The following TNRC18 variants were observed in gnomAD, a reference collection of about 807,000 sequenced individuals.
TNRC18 encodes trinucleotide repeat containing 18, also known as trinucleotide repeat-containing gene 18 protein.
A neutral mutation model predicts 226.7 loss-of-function variants in TNRC18; 69 were observed. The observed-to-expected ratio is 0.30, with a 90% CI of 0.25 to 0.37. The LOEUF (loss-of-function observed/expected upper bound fraction) is 0.37. TNRC18 is among the 10% of genes least tolerant of loss of function. The pLI is 1.00. For missense variants in TNRC18, 4,754 were observed against 4,256.6 expected (o/e 1.12, Z -3.25); for synonymous variants, 2,449 against 1,927.6 (o/e 1.27, Z -7.09).
intron 21 of TNRC18, among the ~76,000 whole-genome samples, chr7:5,323,440 G>A (rs147898717): frequency 0.013 from 1,870 of 139,110 alleles, 46 homozygotes; most frequent in African/African-American, 0.046. Flanking sequence ...ACCCTGCCCC[G>A]CCTCCTTCCC....
chr7:5,318,040 T>G (rs1788026947), intron 24 of TNRC18, among the ~76,000 whole-genome samples: 1 of 151,958 alleles, frequency 6.6e-6, no homozygotes, highest in African/African-American at 2.4e-5. Flanking sequence ...CCCAGCTTAT[T>G]TTTGTATTTT....
chr7:5,371,678 G>C (rs1794170439), intron 10 of TNRC18, among the ~76,000 whole-genome samples: 1 of 152,208 alleles, frequency 6.6e-6, no homozygotes. Flanking sequence ...CACTTCATGA[G>C]GTCTGCAAAG....
chr7:5,372,447 T>A (rs1726205304), intron 10 of TNRC18, among the ~76,000 whole-genome samples: 2 of 150,350 alleles, frequency 1.3e-5, no homozygotes, highest in Non-Finnish European at 3.0e-5. Flanking sequence ...AGTCTCAAAC[T>A]CCTAACCTCA....
chr7:5,374,483 T>C lies in TNRC18; in HGVS notation c.2801A>G (p.Gln934Arg), dbSNP rs1189632013. The change falls in exon 10 of 30, where the codon CAG becomes CGG. Residue 934 changes from glutamine (Q) to arginine (R), a missense_variant and splice_region_variant. By Grantham distance (43) the Gln-to-Arg change is conservative. Coordinates refer to ENST00000430969, the MANE Select transcript of TNRC18 (RefSeq NM_001080495.3). ...LELQRSAQLV[Q>R]ERLKAQEHRA... is the part of the protein sequence containing the mutation. Reference sequence around the variant, plus strand: ...GTGCTCCTGCGCCTTCAACCGCTCCTGCTGGGAAGGGGCCGGCAGGCAGGG... The same window carrying C: ...GTGCTCCTGCGCCTTCAACCGCTCCCGCTGGGAAGGGGCCGGCAGGCAGGG... The C allele has an allele frequency of 7.8e-6, 12 of 1,545,850 alleles. No individual in the cohort carries two copies. Among genetic ancestry groups the C allele is most frequent in the Non-Finnish European group, 1.0e-5 (12 of 1,145,248 alleles).
chr7:5,328,943 T>C (rs1359799442), intron 19 of TNRC18, among the ~76,000 whole-genome samples: 3 of 152,056 alleles, frequency 2.0e-5, no homozygotes, highest in African/African-American at 7.2e-5. Flanking sequence ...TCAGCTACAA[T>C]CACCACTGCA....
rs144662045 is a variant in TNRC18 at position 5,389,011 on chromosome 7, G to C, written c.813C>G (p.Thr271=). ...RLSPFLAESK[T]KNAALQPSVL... ...CCGACGGCTGCAGCGCCGCATTCTT[G>C]GTCTTGGACTCAGCCAGGAAGGGCG... Residue 271 remains threonine (T), a synonymous_variant, in exon 5 of 30, where the codon ACC becomes ACG. Coordinates refer to ENST00000430969, the MANE Select transcript of TNRC18 (RefSeq NM_001080495.3). 1.5e-6 allele frequency: 2 copies of C among 1,339,364 alleles called. No homozygotes were observed. The highest frequency in any genetic ancestry group is 1.9e-6 in the Non-Finnish European group (2 of 1,036,268). The allele number at this position is 1,339,364 out of a possible 1,614,324, so 83.0% of individuals were successfully genotyped here.
At chr7:5,374,543 C>A (rs115988581) in intron 9 of TNRC18, 59 bp from the exon 10 acceptor site, 1 of 1,487,904 alleles carries the variant, frequency 6.7e-7, no homozygotes, top group East Asian at 2.7e-5. Context: ...CCCCGACGCC[C>A]GCACCTGCCC....
At chr7:5,404,374 A>AC (rs1491190928) in intron 2 of TNRC18, among the ~76,000 whole-genome samples, 2 of 151,708 alleles carry the variant, frequency 1.3e-5, no homozygotes, top group African/African-American at 4.8e-5. Context: ...CCGTCTTGAG[A>AC]AAAAAAAAGA....
intron 2 of TNRC18, among the ~76,000 whole-genome samples, chr7:5,400,434 A>C (rs1781005099): frequency 6.6e-6 from 1 of 151,812 alleles, no homozygotes. Context: ...ACATGGTGAA[A>C]CTCCGTCTCT....
Position 5,306,970 on chromosome 7 carries a change from T to G in TNRC18, c.*1136A>C, listed in dbSNP as rs1381430116. ...GTCTGGTTGAGGCCTTGGTTTCCCT[T>G]GAAGGCTTGGGGCCTGGTTAAGTGC... On this transcript the variant is annotated 3_prime_UTR_variant, in exon 30 of 30. Transcript: ENST00000430969. 1.3e-5 allele frequency: 2 copies of G among 151,402 alleles called. No individual in the cohort carries two copies. The highest frequency in any genetic ancestry group is 6.6e-5 in the Admixed American group (1 of 15,222). The allele number at this position is 151,402 out of a possible 1,614,324, so 9.4% of individuals were successfully genotyped here. A position where few individuals can be genotyped will look rare whatever the true frequency, so the allele number is the denominator to read the frequency against.
rs1355600041 is a variant in TNRC18, at chr7:5,377,049, C to T, written c.2462-56G>A. The T allele has an allele frequency of 6.5e-6, 10 of 1,534,998 alleles. No individual in the cohort carries two copies. Among genetic ancestry groups the T allele is most frequent in the Non-Finnish European group, 8.7e-6 (10 of 1,143,230 alleles). Reference sequence around the variant, plus strand: ...GCTGGGAGCCCCCAAGCGGTTTGTCCTCGGGCAGCCCCAGCCCAGCACCAC... The same window carrying T: ...GCTGGGAGCCCCCAAGCGGTTTGTCTTCGGGCAGCCCCAGCCCAGCACCAC... On this transcript the variant is annotated intron_variant, in intron 7 of 29. Transcript: ENST00000430969. The surrounding 1 kb of genome is among the most constrained non-coding windows in gnomAD (Gnocchi z 5.8).
intron 5 of TNRC18, among the ~76,000 whole-genome samples, chr7:5,382,517 A>G (rs1241501165): frequency 2.0e-5 from 3 of 152,082 alleles, no homozygotes; most frequent in Non-Finnish European, 4.4e-5. Flanking sequence ...AGTTCCAGAT[A>G]GGGTTGCTCT....
At chr7:5,318,547 G>A (rs1473542070) in intron 24 of TNRC18, among the ~76,000 whole-genome samples, 1 of 152,106 alleles carries the variant, frequency 6.6e-6, no homozygotes, top group Non-Finnish European at 1.5e-5. Context: ...TTCCAAGAAT[G>A]AAGGAAATTT....
intron 5 of TNRC18, among the ~76,000 whole-genome samples, chr7:5,378,436 TGA>T (rs1779164416): frequency 6.6e-6 from 1 of 151,510 alleles, no homozygotes; most frequent in Admixed American, 6.6e-5. Context: ...TTTTTTTTTT[TGA>T]GATGGAGTCT....
chr7:5,368,664 CAAAAAAAAA>C (rs534524701), intron 11 of TNRC18, among the ~76,000 whole-genome samples: 3 of 82,538 alleles, frequency 3.6e-5, no homozygotes, highest in African/African-American at 5.0e-5. Flanking sequence ...GACTCTGTCT[CAAAAAAAAA>C]AAAAAAAAAA....
chr7:5,332,183 T>A (rs1295189912), intron 19 of TNRC18, among the ~76,000 whole-genome samples: 4 of 152,272 alleles, frequency 2.6e-5, no homozygotes, highest in Admixed American at 2.6e-4. Context: ...ATGCCTGTAA[T>A]CTCAGCATTT....
chr7:5,397,327 C>T (rs544775528), intron 2 of TNRC18, among the ~76,000 whole-genome samples: 30 of 152,330 alleles, frequency 2.0e-4, no homozygotes, highest in Middle Eastern at 3.4e-3. Flanking sequence ...CTCTTCCTGC[C>T]GCAGGCTGCA....
intron 21 of TNRC18, among the ~76,000 whole-genome samples, chr7:5,321,742 G>A (rs1216038754): frequency 2.6e-5 from 4 of 151,606 alleles, no homozygotes; most frequent in Non-Finnish European, 2.9e-5. Context: ...CATGATCTCG[G>A]CTCACTGCAA....
In TNRC18 at chr7:5,385,360, C is replaced by T. The variant is rs1022993993; in HGVS notation, c.2152+2312G>A. 3.3e-5 allele frequency among the ~76,000 whole-genome samples: 5 copies of T among 151,582 alleles called. No homozygotes were observed. In the South Asian group the frequency reaches 1.0e-3, roughly 32 times the overall value. On this transcript the variant is annotated intron_variant, in intron 5 of 29. Transcript: ENST00000430969. ...AAAATTAGCCGGGCGCGGTGGCGGG[C>T]GCCTGTAGTCCCAGCTACTGGGGAG...
Sources: allele counts gnomAD v4.1 joint callset (sites outside exome capture counted in the v4.1 genomes callset), GRCh38; gene constraint gnomAD v4.1.1; non-coding constraint Gnocchi (gnomAD v3.1); transcripts MANE v1.5; gene names NCBI Gene and HGNC (gene_info 2026-07-23, HGNC 2026-07-21).